SCFD2: variants seen among roughly 807,000 people sequenced by gnomAD.
SCFD2 encodes sec1 family domain containing 2.
A neutral mutation model predicts 58.9 loss-of-function variants in SCFD2; 54 were observed. The observed-to-expected ratio is 0.92, with a 90% CI of 0.74 to 1.15. The LOEUF (loss-of-function observed/expected upper bound fraction) is 1.15, where lower values mean the gene tolerates loss of function less well. Among genes scored for constraint, SCFD2 ranks in the 50% most tolerant of loss-of-function variants. The pLI, the probability that SCFD2 is intolerant of heterozygous loss-of-function variation, is 0.00. For missense variants in SCFD2, 805 were observed against 836.6 expected (o/e 0.96, Z 0.47); for synonymous variants, 321 against 335.9 (o/e 0.96, Z 0.49).
chr4:53,333,329 A>G (rs1733558773), intron 2 of SCFD2, among the ~76,000 whole-genome samples: 1 of 146,406 alleles, frequency 6.8e-6, no homozygotes, highest in Admixed American at 6.9e-5. Context: ...TGGAGGCATC[A>G]CGCTACCTGA....
At chr4:53,103,094 T>G (rs977626427) in intron 5 of SCFD2, among the ~76,000 whole-genome samples, 1 of 152,256 alleles carries the variant, frequency 6.6e-6, no homozygotes, top group Middle Eastern at 3.4e-3. Flanking sequence ...AAAAGTTTGA[T>G]GAGAAGCAGG....
chr4:52,877,123 A>C (rs1577791028), intron 8 of SCFD2, among the ~76,000 whole-genome samples: 1 of 152,152 alleles, frequency 6.6e-6, no homozygotes, highest in East Asian at 1.9e-4. Context: ...GAGCCCAAAG[A>C]ATCTGTCACT....
chr4:53,177,969 T>A (rs1410517830), intron 4 of SCFD2, among the ~76,000 whole-genome samples: 2 of 152,146 alleles, frequency 1.3e-5, no homozygotes, highest in Admixed American at 6.5e-5. Context: ...GCGCCCGCCA[T>A]TTTCGGGTTA....
At chr4:53,044,169 G>A (rs1184373862) in intron 5 of SCFD2, among the ~76,000 whole-genome samples, 3 of 152,102 alleles carry the variant, frequency 2.0e-5, no homozygotes, top group African/African-American at 4.8e-5. Flanking sequence ...TCCTAATGAA[G>A]TCTTCTCTAA....
intron 8 of SCFD2, among the ~76,000 whole-genome samples, chr4:52,882,892 G>C (rs1718652468): frequency 6.6e-6 from 1 of 152,186 alleles, no homozygotes; most frequent in Non-Finnish European, 1.5e-5. Flanking sequence ...TGCAGTGGGA[G>C]GGGACAAATC....
chr4:53,092,524 C>T (rs1350376681), intron 5 of SCFD2, among the ~76,000 whole-genome samples: 2 of 146,086 alleles, frequency 1.4e-5, no homozygotes, highest in African/African-American at 2.4e-5. Flanking sequence ...TTTAAAGCCC[C>T]CAAATTGGAA....
intron 5 of SCFD2, among the ~76,000 whole-genome samples, chr4:53,066,436 T>C (rs1215199103): frequency 6.6e-6 from 1 of 152,108 alleles, no homozygotes; most frequent in East Asian, 1.9e-4. Flanking sequence ...ATGTATGTGC[T>C]CTTTCCTTGT....
intron 2 of SCFD2, among the ~76,000 whole-genome samples, chr4:53,351,359 G>A (rs1327943957): frequency 6.6e-6 from 1 of 152,010 alleles, no homozygotes; most frequent in African/African-American, 2.4e-5. Flanking sequence ...ACTTCCTCAA[G>A]GTCTACATTG....
chr4:53,257,799 A>G (rs1350040539), intron 4 of SCFD2, among the ~76,000 whole-genome samples: 1 of 151,876 alleles, frequency 6.6e-6, no homozygotes, highest in African/African-American at 2.4e-5. Flanking sequence ...TTTTTTTTAG[A>G]TTTAAAAATC....
At chr4:53,105,574 G>T (rs1724969121) in intron 5 of SCFD2, among the ~76,000 whole-genome samples, 1 of 152,216 alleles carries the variant, frequency 6.6e-6, no homozygotes, top group Admixed American at 6.5e-5. Context: ...CCACAGGGAA[G>T]TTCAAACAAG....
intron 3 of SCFD2, among the ~76,000 whole-genome samples, chr4:53,284,880 T>C (rs923361862): frequency 2.0e-5 from 3 of 152,226 alleles, no homozygotes; most frequent in Non-Finnish European, 4.4e-5. Flanking sequence ...GGAATTGATG[T>C]CCATTTTCAT....
At chr4:52,981,225 A>G (rs936824238) in intron 5 of SCFD2, among the ~76,000 whole-genome samples, 10 of 152,232 alleles carry the variant, frequency 6.6e-5, no homozygotes, top group African/African-American at 2.4e-4. Context: ...AAGGATGGTT[A>G]GAATGCCAAT....
chr4:53,321,632 C>T (rs1419626133), intron 2 of SCFD2, among the ~76,000 whole-genome samples: 1 of 152,144 alleles, frequency 6.6e-6, no homozygotes, highest in Non-Finnish European at 1.5e-5. Flanking sequence ...TTTTTCACAG[C>T]AGGGAATAAT....
chr4:52,999,485 T>A (rs545371675), intron 5 of SCFD2, among the ~76,000 whole-genome samples: 2 of 152,216 alleles, frequency 1.3e-5, no homozygotes, highest in Non-Finnish European at 2.9e-5. Flanking sequence ...GAGGGGCATT[T>A]ATTTTTCTTT....
rs1290986856 is a variant in SCFD2 at position 53,301,015 on chromosome 4, C to T, written c.1135+12621G>A. Among the ~76,000 whole-genome samples, 26 of 152,148 alleles carry T rather than the reference C, an allele frequency of 1.7e-4. 1 individual carries two copies. In the East Asian group the frequency reaches 4.6e-3, roughly 27 times the overall value. On this transcript the variant is annotated intron_variant, in intron 3 of 8. Transcript: ENST00000401642. Reference sequence around the variant, plus strand: ...GAAAGCAGGAAAGATCTAAAATTGACACTCTAACATCACAATTAAAAGAAC... The same window carrying T: ...GAAAGCAGGAAAGATCTAAAATTGATACTCTAACATCACAATTAAAAGAAC...
chr4:53,358,319 A>G (rs1734455996), intron 1 of SCFD2, among the ~76,000 whole-genome samples: 1 of 152,154 alleles, frequency 6.6e-6, no homozygotes, highest in Non-Finnish European at 1.5e-5. Context: ...ACTTGAGGTC[A>G]GGAGATCAAG....
At chr4:53,274,749 C>G (rs966994786) in intron 3 of SCFD2, among the ~76,000 whole-genome samples, 2 of 152,194 alleles carry the variant, frequency 1.3e-5, no homozygotes, top group African/African-American at 2.4e-5. Flanking sequence ...CAATAGCTGT[C>G]TTTCCACCGA....
intron 5 of SCFD2, among the ~76,000 whole-genome samples, chr4:52,953,051 T>C (rs1482475489): frequency 6.6e-6 from 1 of 152,156 alleles, no homozygotes; most frequent in Non-Finnish European, 1.5e-5. Context: ...GAAGGCTCCT[T>C]GGAAAAGTAT....
At chr4:53,341,256 A>G (rs1733862182) in intron 2 of SCFD2, among the ~76,000 whole-genome samples, 1 of 152,218 alleles carries the variant, frequency 6.6e-6, no homozygotes, top group Non-Finnish European at 1.5e-5. Context: ...GTAGAGAAGT[A>G]CTTAAATGAC....
Sources: gnomAD v4.1 joint callset for allele counts (sites outside exome capture counted in the v4.1 genomes callset) on GRCh38, gnomAD v4.1.1 for gene constraint, MANE v1.5 for transcripts, NCBI Gene and HGNC (gene_info 2026-07-23, HGNC 2026-07-21) for gene names.